LYPD6: variants seen among roughly 807,000 people sequenced by gnomAD.
LYPD6 encodes the protein LY6/PLAUR domain containing 6.
Under a neutral mutation model 22.7 loss-of-function variants are expected in LYPD6, and 15 were observed. The ratio of observed to expected loss-of-function variants is 0.66; its 90% CI spans 0.44 to 1.02. LYPD6 has a LOEUF of 1.02. Ranked by LOEUF, LYPD6 falls within the 50% of genes least tolerant of loss-of-function variation. The pLI, the probability that LYPD6 is intolerant of heterozygous loss-of-function variation, is 0.00. For synonymous variants in LYPD6, 72 were observed against 77.5 expected (o/e 0.93, Z 0.37); for missense variants, 189 against 208.4 (o/e 0.91, Z 0.57).
intron 3 of LYPD6, among the ~76,000 whole-genome samples, chr2:149,466,751 A>G (rs1035358507): frequency 1.3e-5 from 2 of 152,208 alleles, no homozygotes; most frequent in Admixed American, 1.3e-4. Context: ...AACTGCAGCT[A>G]TGTAGTGATT....
intron 1 of LYPD6, among the ~76,000 whole-genome samples, chr2:149,407,455 C>T (rs1235390667): frequency 1.3e-5 from 2 of 152,152 alleles, no homozygotes; most frequent in Non-Finnish European, 2.9e-5. Flanking sequence ...TTTCTCTAAA[C>T]TTCCCTTCTC....
intron 1 of LYPD6, among the ~76,000 whole-genome samples, chr2:149,424,263 G>A (rs1177465494): frequency 6.6e-6 from 1 of 152,150 alleles, no homozygotes; most frequent in African/African-American, 2.4e-5. Flanking sequence ...ATCAGATGAT[G>A]TCCATAAAAT....
intron 2 of LYPD6, among the ~76,000 whole-genome samples, chr2:149,446,336 AC>A (rs774870472): frequency 3.3e-5 from 5 of 152,196 alleles, no homozygotes; most frequent in Non-Finnish European, 7.3e-5. Flanking sequence ...GGAAAATGAC[AC>A]CGATAGACTT....
chr2:149,371,671 A>G (rs1681813265), intron 1 of LYPD6, among the ~76,000 whole-genome samples: 1 of 152,212 alleles, frequency 6.6e-6, no homozygotes. Context: ...TCGTGTCGTC[A>G]GAACCCGTGC....
chr2:149,361,374 C>T (rs188649107), intron 1 of LYPD6, among the ~76,000 whole-genome samples: 2 of 152,292 alleles, frequency 1.3e-5, no homozygotes, highest in South Asian at 2.1e-4. Flanking sequence ...AATTTTCCTA[C>T]AAAAGGGTAA....
intron 1 of LYPD6, among the ~76,000 whole-genome samples, chr2:149,393,200 A>G (rs1311807246): frequency 6.6e-6 from 1 of 152,210 alleles, no homozygotes; most frequent in East Asian, 1.9e-4. Context: ...GGTAATTATA[A>G]TCAGACATCT....
chr2:149,332,270 C>T (rs573873851), intron 1 of LYPD6, among the ~76,000 whole-genome samples: 1 of 152,098 alleles, frequency 6.6e-6, no homozygotes, highest in East Asian at 1.9e-4. Context: ...TGTAGGCACA[C>T]AAAGCTTGTT....
chr2:149,362,481 T>A (rs1395443061), intron 1 of LYPD6, among the ~76,000 whole-genome samples: 1 of 152,134 alleles, frequency 6.6e-6, no homozygotes, highest in African/African-American at 2.4e-5. Context: ...TGAGGAGAAC[T>A]TAGAAAGGTC....
intron 1 of LYPD6, among the ~76,000 whole-genome samples, chr2:149,392,126 C>A (rs894133625): frequency 2.6e-5 from 4 of 152,158 alleles, no homozygotes; most frequent in Non-Finnish European, 4.4e-5. Flanking sequence ...GTGGTTAGGG[C>A]AGACCAAGTT....
In LYPD6 at chr2:149,420,229, C is replaced by T. The variant is rs183335194; in HGVS notation, c.-71-17409C>T. ...AGGCATCTCAGTGTGCCACTGCAAA[C>T]GAGGACATTGAACTGCAGGGAAGTT... On this transcript the variant is annotated intron_variant, in intron 1 of 4. Coordinates refer to ENST00000334166, the MANE Select transcript of LYPD6 (RefSeq NM_194317.5). 5.0e-3 allele frequency among the ~76,000 whole-genome samples: 759 copies of T among 152,266 alleles called. 5 individuals carry two copies. Among genetic ancestry groups the T allele is most frequent in the Non-Finnish European group, 5.4e-3 (365 of 68,004 alleles).
intron 1 of LYPD6, among the ~76,000 whole-genome samples, chr2:149,358,669 C>T (rs1263125076): frequency 6.6e-6 from 1 of 151,698 alleles, no homozygotes; most frequent in Non-Finnish European, 1.5e-5. Context: ...TATATATTTT[C>T]TAAATATATA....
intron 3 of LYPD6, among the ~76,000 whole-genome samples, chr2:149,458,866 A>G (rs191736885): frequency 5.3e-4 from 81 of 152,342 alleles, no homozygotes; most frequent in Admixed American, 8.5e-4. Context: ...TGGAAAACAG[A>G]GCAATAAAAA....
chr2:149,417,430 C>A (rs902885470), intron 1 of LYPD6, among the ~76,000 whole-genome samples: 5 of 152,110 alleles, frequency 3.3e-5, no homozygotes, highest in African/African-American at 1.2e-4. Flanking sequence ...AGAAAAGAAA[C>A]AGTCAGACCA....
intron 1 of LYPD6, among the ~76,000 whole-genome samples, chr2:149,352,312 G>A (rs535703227): frequency 1.3e-5 from 2 of 152,110 alleles, no homozygotes; most frequent in African/African-American, 2.4e-5. Context: ...AAAACTGGTG[G>A]TATTTCTTTT....
intron 1 of LYPD6, among the ~76,000 whole-genome samples, chr2:149,386,999 T>C (rs991692581): frequency 3.3e-5 from 5 of 152,114 alleles, no homozygotes. Flanking sequence ...ACCCCCAACA[T>C]GACCCACAGG....
intron 3 of LYPD6, chr2:149,464,194 C>A: frequency 2.7e-6 from 1 of 376,298 alleles, no homozygotes. Context: ...AGCCAGATAT[C>A]CCAAATGAGA....
At chr2:149,417,016 A>C (rs1419798715) in intron 1 of LYPD6, among the ~76,000 whole-genome samples, 1 of 152,114 alleles carries the variant, frequency 6.6e-6, no homozygotes, top group African/African-American at 2.4e-5. Flanking sequence ...GCCAGTCCAC[A>C]AGCCCCCAGG....
chr2:149,460,064 T>C (rs1681053563), intron 3 of LYPD6, among the ~76,000 whole-genome samples: 1 of 152,080 alleles, frequency 6.6e-6, no homozygotes, highest in Non-Finnish European at 1.5e-5. Flanking sequence ...AAAAGAGATA[T>C]ACTCAAAAGC....
intron 1 of LYPD6, among the ~76,000 whole-genome samples, chr2:149,404,679 A>G (rs1435262792): frequency 2.0e-5 from 3 of 152,208 alleles, no homozygotes; most frequent in African/African-American, 7.2e-5. Context: ...TCGTCTGCAA[A>G]CAGGGACAAT....
Sources: allele counts gnomAD v4.1 joint callset (sites outside exome capture counted in the v4.1 genomes callset), GRCh38; gene constraint gnomAD v4.1.1; transcripts MANE v1.5; gene names NCBI Gene and HGNC (gene_info 2026-07-23, HGNC 2026-07-21).